The following LCORL variants were observed in gnomAD, a reference collection of about 807,000 sequenced individuals.
The protein encoded by LCORL is ligand-dependent nuclear receptor corepressor-like protein.
In LCORL, 41 loss-of-function variants were observed where a neutral mutation model predicts 141.8. That is an observed-to-expected ratio of 0.29 (90% CI 0.23 to 0.38). LCORL has a LOEUF of 0.38. Among genes scored for constraint, LCORL ranks in the 10% least tolerant of loss-of-function variants. The probability of loss-of-function intolerance (pLI) is 1.00; values close to 1 mark genes in which losing one functional copy is unlikely to be tolerated. For missense variants in LCORL, 1,759 were observed against 2,035.0 expected, an observed-to-expected ratio of 0.86 and a Z score of 2.61; for synonymous variants, 618 against 694.1, an observed-to-expected ratio of 0.89 and a Z score of 1.72.
At chr4:17,937,033 A>G (rs1046204790) in intron 4 of LCORL, among the ~76,000 whole-genome samples, 1 of 152,198 alleles carries the variant, frequency 6.6e-6, no homozygotes, top group African/African-American at 2.4e-5. Context: ...ATTTACATAT[A>G]GGGCTAAAAA....
intron 4 of LCORL, among the ~76,000 whole-genome samples, chr4:17,958,547 AT>A (rs1208975594): frequency 1.7e-4 from 26 of 152,012 alleles, no homozygotes; most frequent in African/African-American, 6.3e-4. Context: ...TAAACAAGGC[AT>A]TTTATATCTA....
At chr4:17,964,579 T>C (rs1241822340) in intron 2 of LCORL, among the ~76,000 whole-genome samples, 5 of 152,072 alleles carry the variant, frequency 3.3e-5, no homozygotes, top group Non-Finnish European at 7.4e-5. Flanking sequence ...CAACATTCTA[T>C]ATAATTAAAA....
chr4:18,017,385 T>C (rs1423893320), intron 1 of LCORL, among the ~76,000 whole-genome samples: 3 of 152,122 alleles, frequency 2.0e-5, no homozygotes, highest in African/African-American at 7.2e-5. Context: ...GCATATTAGT[T>C]ACAATGAGAT....
chr4:17,908,505 C>A (rs1732011711), intron 5 of LCORL, among the ~76,000 whole-genome samples: 1 of 152,166 alleles, frequency 6.6e-6, no homozygotes, highest in African/African-American at 2.4e-5. Context: ...GTCCTTCGCA[C>A]ACACTTAAAA....
chr4:17,926,990 T>C (rs939236495), intron 4 of LCORL, among the ~76,000 whole-genome samples: 2 of 152,348 alleles, frequency 1.3e-5, no homozygotes, highest in Middle Eastern at 3.4e-3. Context: ...GCTCTAGCTA[T>C]GAAAGCCCTA....
chr4:17,903,177 C>G (rs1731129954), intron 5 of LCORL, among the ~76,000 whole-genome samples: 1 of 151,912 alleles, frequency 6.6e-6, no homozygotes. Context: ...GTGTACCATA[C>G]CAAGCAGTGG....
chr4:17,979,330 T>C (rs974496711), intron 1 of LCORL, among the ~76,000 whole-genome samples: 1 of 152,212 alleles, frequency 6.6e-6, no homozygotes, highest in Non-Finnish European at 1.5e-5. Flanking sequence ...TGTCTGTGCA[T>C]ATATGGTCCA....
At chr4:17,984,126 T>C (rs1018391288) in intron 1 of LCORL, among the ~76,000 whole-genome samples, 6 of 152,180 alleles carry the variant, frequency 3.9e-5, no homozygotes, top group African/African-American at 1.2e-4. Flanking sequence ...GCCTACCTGA[T>C]AGTGGTGTAT....
rs185962848 is a variant in LCORL, at chr4:17,854,062, A to G, written c.5603-8161T>C. 2.1e-3 allele frequency among the ~76,000 whole-genome samples: 313 copies of G among 152,236 alleles called. 1 individual carries two copies. Among genetic ancestry groups the G allele is most frequent in the African/African-American group, 7.3e-3 (305 of 41,572 alleles). On this transcript the variant is annotated intron_variant, in intron 7 of 7. Coordinates refer to ENST00000635767, the Ensembl canonical transcript of LCORL. The stretch of plus-strand genomic sequence containing the variant: ...AGGGAAAGATTAATCCCAGCAGAGC[A>G]GGGAGACAAGGGGAAGAAATATTTG...
At chr4:17,951,519 C>CT (rs34489486) in intron 4 of LCORL, among the ~76,000 whole-genome samples, 1 of 152,138 alleles carries the variant, frequency 6.6e-6, no homozygotes, top group African/African-American at 2.4e-5. Flanking sequence ...GCTACCTCAA[C>CT]TTTTTTTTAC....
intron 3 of LCORL, 142 bp from the exon 4 acceptor site, chr4:17,962,174 T>G (rs1273095047): frequency 1.4e-5 from 6 of 438,574 alleles, no homozygotes; most frequent in Non-Finnish European, 2.3e-5. Flanking sequence ...AGAGGGAACA[T>G]AAAATTCAGA....
intron 7 of LCORL, among the ~76,000 whole-genome samples, chr4:17,851,022 G>GC (rs1436150463): frequency 6.8e-6 from 1 of 146,740 alleles, no homozygotes; most frequent in Non-Finnish European, 1.5e-5. Context: ...GTAAACTATC[G>GC]CAAGAACAAA....
chr4:17,912,284 G>A, intron 4 of LCORL: 1 of 684,308 alleles, frequency 1.5e-6, no homozygotes, highest in Non-Finnish European at 2.7e-6. Flanking sequence ...AATGTCACTT[G>A]GCTGCAGCTG....
intron 1 of LCORL, among the ~76,000 whole-genome samples, chr4:17,974,269 A>C (rs1434406438): frequency 1.3e-5 from 2 of 152,062 alleles, no homozygotes; most frequent in Non-Finnish European, 2.9e-5. Flanking sequence ...TCATGCTACT[A>C]TCTCTCTTCC....
Position 17,962,263 on chromosome 4 carries a change from A to T in LCORL, c.301-231T>A, listed in dbSNP as rs182838102. Among the ~76,000 whole-genome samples the T allele has an allele frequency of 9.1e-4, 138 of 152,088 alleles. 1 individual carries two copies. The highest frequency in any genetic ancestry group is 3.1e-3 in the African/African-American group (129 of 41,536). ...CTTAGCAAAACTACAGTCAAAAAAA[A>T]AAAAAAGAGCATATGAAACATACTG... On this transcript the variant is annotated intron_variant, in intron 3 of 7. Transcript: ENST00000635767.
intron 1 of LCORL, among the ~76,000 whole-genome samples, chr4:17,994,581 C>T (rs1243088096): frequency 1.3e-5 from 2 of 152,188 alleles, no homozygotes; most frequent in African/African-American, 2.4e-5. Flanking sequence ...AATTACATAA[C>T]ACCCTGTATT....
At position 17,851,626 on chromosome 4, in the gene LCORL, C is replaced by A. The variant is rs184593761; in HGVS notation, c.5603-5725G>T. Among the ~76,000 whole-genome samples the A allele has an allele frequency of 6.5e-3, 993 of 152,312 alleles. 17 individuals carry two copies. Among genetic ancestry groups the A allele is most frequent in the African/African-American group, 0.023 (955 of 41,560 alleles). ...TGACAGAATTTTTGGCTGTTTTAATCTATTGCATAAAATAGCAATGATGCA... is the reference window on the plus strand; with the variant it reads ...TGACAGAATTTTTGGCTGTTTTAATATATTGCATAAAATAGCAATGATGCA... On this transcript the variant is annotated intron_variant, in intron 7 of 7. Transcript: ENST00000635767.
rs189961110 is a variant in LCORL at position 18,010,386 on chromosome 4, A to G, written c.154+11212T>C. Among the ~76,000 whole-genome samples, 418 of 142,876 alleles carry G rather than the reference A, an allele frequency of 2.9e-3. 3 individuals are homozygous for G. The highest frequency in any genetic ancestry group is 0.011 in the African/African-American group (382 of 35,914). The allele number at this position is 142,876 out of a possible 152,430, so 93.7% of individuals were successfully genotyped here. ...AATGTGTGTATGGGTACATATATAT[A>G]TGTGTGTGTGTCTGTGTGTGTGTGT... On this transcript the variant is annotated intron_variant, in intron 1 of 7. Transcript: ENST00000635767.
intron 1 of LCORL, among the ~76,000 whole-genome samples, chr4:18,020,239 G>A (rs1302991911): frequency 6.6e-6 from 1 of 152,090 alleles, no homozygotes; most frequent in African/African-American, 2.4e-5. Flanking sequence ...ATCTTAAGAC[G>A]TTAACCAAAT....
Sources: allele counts gnomAD v4.1 joint callset (sites outside exome capture counted in the v4.1 genomes callset), GRCh38; gene constraint gnomAD v4.1.1; transcripts MANE v1.5; gene names NCBI Gene and HGNC (gene_info 2026-07-23, HGNC 2026-07-21).